MAP3K15: variants seen among roughly 807,000 people sequenced by gnomAD.
MAP3K15 encodes the protein mitogen-activated protein kinase kinase kinase 15.
A neutral mutation model predicts 99.5 loss-of-function variants in MAP3K15; 124 were observed. That is an observed-to-expected ratio of 1.25 (90% CI 1.08 to 1.45). The LOEUF is 1.45. Ranked by LOEUF, MAP3K15 falls within the 40% of genes most tolerant of loss-of-function variation. The pLI, the probability that MAP3K15 is intolerant of heterozygous loss-of-function variation, is 0.00. For missense variants in MAP3K15, 1,242 were observed against 1,079.7 expected, an observed-to-expected ratio of 1.15 and a Z score of -2.11; for synonymous variants, 494 against 439.6, an observed-to-expected ratio of 1.12 and a Z score of -1.55.
chrX:19,396,611 A>G (rs1247215881), intron 15 of MAP3K15, among the ~76,000 whole-genome samples: 3 of 112,498 alleles, frequency 2.7e-5, no homozygotes, highest in Non-Finnish European at 5.6e-5. Context: ...TTCACGTATC[A>G]TAACATGCTA....
chrX:19,514,852 T>G (rs1161980794), intron 1 of MAP3K15, 49 bp downstream of exon 1: 7 of 711,110 alleles, frequency 9.8e-6, no homozygotes, highest in East Asian at 7.3e-5. Flanking sequence ...CCCTGGCTCG[T>G]GTGAGGGTAG....
intron 3 of MAP3K15, among the ~76,000 whole-genome samples, chrX:19,467,615 A>C (rs111471954): frequency 0.015 from 1,681 of 108,981 alleles, 40 homozygotes; most frequent in African/African-American, 0.052. Flanking sequence ...AAAAATACAA[A>C]AATTAGCCAG....
chrX:19,490,178 CACACACAT>C (rs1181997061), intron 1 of MAP3K15, among the ~76,000 whole-genome samples: 17 of 93,234 alleles, frequency 1.8e-4, no homozygotes, highest in Admixed American at 3.4e-4. Context: ...CACACACACA[CACACACAT>C]ACATACAAAA....
At chrX:19,439,962 G>A (rs1044764577) in intron 6 of MAP3K15, among the ~76,000 whole-genome samples, 4 of 111,823 alleles carry the variant, frequency 3.6e-5, no homozygotes, top group Non-Finnish European at 5.6e-5. Context: ...GACAGCAACC[G>A]GTGGGAGGCA....
In MAP3K15 at chrX:19,372,774, TC is replaced by T; in HGVS notation, c.2986del (p.Glu996ArgfsTer60). On this transcript the variant is annotated frameshift_variant, in exon 22 of 29. Transcript: ENST00000338883. LOFTEE classifies it high-confidence loss of function. ...CAGGAAGAGGCCCTGGTCCCTGTCCTCCGGGGACGAGGCCAAGCCCCGGTCT... is the reference window on the plus strand; with the variant it reads ...CAGGAAGAGGCCCTGGTCCCTGTCCTCGGGGACGAGGCCAAGCCCCGGTCT... ...LEDRGLASSPEDRDQGLFLLR... is the reference protein window; with the variant it reads ...LEDRGLASSPXDRDQGLFLLR... 1 of 1,211,331 alleles carries T rather than the reference TC, an allele frequency of 8.3e-7. No individual in the cohort carries two copies. Among genetic ancestry groups the T allele is most frequent in the East Asian group, 3.0e-5 (1 of 33,804 alleles).
intron 18 of MAP3K15, among the ~76,000 whole-genome samples, chrX:19,388,404 C>T (rs1423868457): frequency 1.8e-5 from 2 of 112,222 alleles, no homozygotes; most frequent in African/African-American, 6.5e-5. Flanking sequence ...AATCCAGTGG[C>T]TTTTGTGATT....
chrX:19,488,656 G>A (rs190754100), intron 2 of MAP3K15, among the ~76,000 whole-genome samples, 172 bp downstream of exon 2: 210 of 111,700 alleles, frequency 1.9e-3, no homozygotes, highest in African/African-American at 6.6e-3. Flanking sequence ...AGATGCTCAC[G>A]AAGTAGCCAG....
rs373250309 is a variant in MAP3K15, at chrX:19,431,648, A to C, written c.996-40T>G. On this transcript the variant is annotated intron_variant, in intron 6 of 28. Transcript: ENST00000338883. The stretch of plus-strand genomic sequence containing the variant: ...TTATAAGGTCACAAATGAATCAATC[A>C]AGACAATGGAGTAGAGGCCAGGTGC... 2.8e-5 allele frequency: 32 copies of C among 1,133,141 alleles called. No homozygotes were observed. The African/African-American group carries it at 5.4e-4, about 19-fold the overall frequency. The allele number at this position is 1,133,141 out of a possible 1,213,427, so 93.4% of individuals were successfully genotyped here. A position where few individuals can be genotyped will look rare whatever the true frequency, so the allele number is the denominator to read the frequency against.
intron 17 of MAP3K15, 81 bp from the exon 18 acceptor site, chrX:19,392,188 C>T (rs770116398): frequency 1.9e-5 from 20 of 1,034,005 alleles, no homozygotes; most frequent in African/African-American, 1.5e-4. Context: ...CTTGGGAAAC[C>T]GTCACAAGTC....
rs1353022938 is a variant in MAP3K15 at position 19,458,184 on chromosome X, A to G, written c.889-1165T>C. ...TGCGCCTTGATGCTGCTGCCCCAGG[A>G]GGGAGAAGGCAGGGTATTCCAAGAA... is the stretch of plus-strand genomic sequence containing the variant. On this transcript the variant is annotated intron_variant, in intron 5 of 28. Transcript: ENST00000338883. Among the ~76,000 whole-genome samples, 6 of 111,734 alleles carry G rather than the reference A, an allele frequency of 5.4e-5. No homozygotes were observed. In the Admixed American group the frequency reaches 5.7e-4, roughly 11 times the overall value.
intron 3 of MAP3K15, among the ~76,000 whole-genome samples, chrX:19,484,583 GTAGTGGA>G (rs1413207025): frequency 6.2e-5 from 7 of 112,025 alleles, no homozygotes; most frequent in Non-Finnish European, 1.1e-4. Context: ...AGGGAGGTAT[GTAGTGGA>G]ATTGTAACAG....
intron 6 of MAP3K15, among the ~76,000 whole-genome samples, chrX:19,453,508 A>G (rs1459702323): frequency 1.8e-5 from 2 of 110,101 alleles, no homozygotes; most frequent in East Asian, 2.8e-4. Flanking sequence ...GCCAAAAAAA[A>G]AAAAAAAAGT....
At chrX:19,432,592 A>G (rs755295180) in intron 6 of MAP3K15, among the ~76,000 whole-genome samples, 5 of 109,704 alleles carry the variant, frequency 4.6e-5, no homozygotes, top group South Asian at 3.9e-4. Context: ...AAAAGGAAAG[A>G]CAATTGGGAA....
At chrX:19,439,624 G>A (rs1315149444) in intron 6 of MAP3K15, among the ~76,000 whole-genome samples, 1 of 110,867 alleles carries the variant, frequency 9.0e-6, no homozygotes, top group Non-Finnish European at 1.9e-5. Flanking sequence ...ACACCACCAA[G>A]GCAAGATAAT....
Position 19,362,849 on chromosome X carries a change from G to C in MAP3K15, c.3568C>G (p.Leu1190Val). Residue 1190 changes from leucine (L) to valine (V), a missense_variant and splice_region_variant, in exon 26 of 29, where the codon CTT (leucine) becomes GTT (valine). Transcript: ENST00000338883. ...LGELRQETNR[L>V]LEHLVEKERE... is the part of the protein sequence containing the mutation. ...TCTTTTTCAACTAGGTGTTCCAAAA[G>C]TCTGGTTTAAAAAAAAAAAAAAAAA... 1.1e-6 allele frequency: 1 copy of C among 926,989 alleles called. No individual in the cohort carries two copies. Among genetic ancestry groups the C allele is most frequent in the Non-Finnish European group, 1.5e-6 (1 of 677,552 alleles). 76.4% of individuals were successfully genotyped at this position (926,989 alleles called of 1,213,427 possible).
chrX:19,448,172 A>G (rs1013314144), intron 6 of MAP3K15, among the ~76,000 whole-genome samples: 13 of 108,735 alleles, frequency 1.2e-4, no homozygotes, highest in Non-Finnish European at 2.3e-4. Context: ...TCCTGACTCA[A>G]CGTGGCAACG....
intron 4 of MAP3K15, among the ~76,000 whole-genome samples, chrX:19,463,942 T>C (rs1199567050): frequency 9.0e-6 from 1 of 111,035 alleles, no homozygotes; most frequent in Non-Finnish European, 1.9e-5. Context: ...TAAGTTGTCT[T>C]ATCTAGAAGA....
intron 3 of MAP3K15, among the ~76,000 whole-genome samples, chrX:19,474,918 A>T (rs1351406407): frequency 9.0e-6 from 1 of 111,083 alleles, no homozygotes; most frequent in African/African-American, 3.3e-5. Flanking sequence ...GTATTTAAAC[A>T]CTTTAAAACA....
intron 24 of MAP3K15, among the ~76,000 whole-genome samples, chrX:19,369,804 G>A (rs1046090881): frequency 1.7e-4 from 19 of 111,005 alleles, no homozygotes; most frequent in African/African-American, 3.9e-4. Context: ...CAGCTACTCC[G>A]GAGGCTGAGG....
Sources: allele counts gnomAD v4.1 joint callset (sites outside exome capture counted in the v4.1 genomes callset), GRCh38; gene constraint gnomAD v4.1.1; transcripts MANE v1.5; gene names NCBI Gene and HGNC (gene_info 2026-07-23, HGNC 2026-07-21).